The following RASSF6 variants were observed in gnomAD, a reference collection of about 807,000 sequenced individuals.
The protein encoded by RASSF6 is ras association domain-containing protein 6.
In RASSF6, 52 loss-of-function variants were observed where a neutral mutation model predicts 44.0. The observed-to-expected ratio is 1.18, with a 90% CI of 0.95 to 1.49. RASSF6 has a LOEUF of 1.49. Among genes scored for constraint, RASSF6 ranks in the 40% most tolerant of loss-of-function variants. The pLI is 0.00. For missense variants in RASSF6, 464 were observed against 393.3 expected, an observed-to-expected ratio of 1.18 and a Z score of -1.52; for synonymous variants, 162 against 124.6, an observed-to-expected ratio of 1.30 and a Z score of -2.00.
At chr4:73,610,965 T>A (rs1725968151) in intron 2 of RASSF6, among the ~76,000 whole-genome samples, 1 of 152,220 alleles carries the variant, frequency 6.6e-6, no homozygotes, top group Non-Finnish European at 1.5e-5. Flanking sequence ...CCACTGCTTA[T>A]AGTTCATCCT....
chr4:73,614,280 T>C (rs1007648491), intron 1 of RASSF6, among the ~76,000 whole-genome samples: 5 of 152,210 alleles, frequency 3.3e-5, no homozygotes, highest in African/African-American at 4.8e-5. Flanking sequence ...CCTCCCTCTG[T>C]TGTGGTCTGA....
chr4:73,600,933 T>C (rs903408719), intron 2 of RASSF6, among the ~76,000 whole-genome samples: 1 of 152,242 alleles, frequency 6.6e-6, no homozygotes, highest in African/African-American at 2.4e-5. Context: ...CATTGTTTAG[T>C]GCCAGAACAC....
chr4:73,587,286 A>G (rs1307237003), intron 5 of RASSF6, among the ~76,000 whole-genome samples: 1 of 152,112 alleles, frequency 6.6e-6, no homozygotes. Context: ...TGCCAAGTTC[A>G]GTATGGATCC....
At chr4:73,615,206 CAAAT>C (rs1242550488) in intron 1 of RASSF6, among the ~76,000 whole-genome samples, 1 of 114,936 alleles carries the variant, frequency 8.7e-6, no homozygotes, top group African/African-American at 3.2e-5. Flanking sequence ...AAGAGCAAAA[CAAAT>C]AAACAAACAA....
intron 10 of RASSF6, 39 bp from the exon 11 acceptor site, chr4:73,576,349 A>G (rs1446507781): frequency 1.3e-6 from 2 of 1,490,252 alleles, no homozygotes; most frequent in Non-Finnish European, 9.3e-7. Context: ...AAAATTGGAC[A>G]TATTTTGTGC....
chr4:73,612,910 T>A (rs1469944654), intron 1 of RASSF6, among the ~76,000 whole-genome samples: 2 of 152,164 alleles, frequency 1.3e-5, no homozygotes, highest in Non-Finnish European at 2.9e-5. Flanking sequence ...AATTGAAACA[T>A]TTCTTCAACA....
intron 8 of RASSF6, among the ~76,000 whole-genome samples, chr4:73,579,964 T>C (rs891587708): frequency 5.3e-5 from 8 of 151,738 alleles, no homozygotes; most frequent in African/African-American, 1.9e-4. Flanking sequence ...GCTGGTGTGC[T>C]GCACCCACTA....
chr4:73,585,178 AC>A lies in RASSF6; in HGVS notation c.567+1del. 6.3e-7 allele frequency: 1 copy of A among 1,579,494 alleles called. No homozygotes were observed. The highest frequency in any genetic ancestry group is 1.2e-5 in the South Asian group (1 of 84,574). ...ACATTAATGGAATTGTAACTCACTT[AC>A]TTCATGGTTATAGAAGTGTCCATTA... On this transcript the variant is annotated splice_donor_variant, in intron 6 of 10. Transcript: ENST00000307439. LOFTEE classifies it high-confidence loss of function.
At chr4:73,593,384 G>A in intron 4 of RASSF6, 67 bp downstream of exon 4, 8 of 1,416,652 alleles carry the variant, frequency 5.6e-6, no homozygotes, top group African/African-American at 1.4e-5. Flanking sequence ...CTCCTTAAGA[G>A]TGCACGCAAT....
At position 73,593,655 on chromosome 4, in the gene RASSF6, T is replaced by C. The variant is rs1025110997; in HGVS notation, c.145-62A>G. ...TATTATTTATAGACGGTAAATGTTT[T>C]AACGAAGATGTAGAAATTAAGTGCG... is the stretch of plus-strand genomic sequence containing the variant. On this transcript the variant is annotated intron_variant, in intron 3 of 10. Coordinates refer to ENST00000307439, the MANE Select transcript of RASSF6 (RefSeq NM_177532.5). 3 of 1,473,988 alleles carry C rather than the reference T, an allele frequency of 2.0e-6. No individual in the cohort carries two copies. The Admixed American group carries it at 6.0e-5, about 29-fold the overall frequency. The allele number at this position is 1,473,988 out of a possible 1,614,324, so 91.3% of individuals were successfully genotyped here.
chr4:73,589,351 C>G (rs1010970678), intron 4 of RASSF6, among the ~76,000 whole-genome samples: 1 of 152,022 alleles, frequency 6.6e-6, no homozygotes, highest in Non-Finnish European at 1.5e-5. Flanking sequence ...GCTTAATAAT[C>G]AGAAAGTGGC....
Position 73,576,234 on chromosome 4 carries a change from G to T in RASSF6, c.*1C>A. The T allele has an allele frequency of 1.3e-6, 2 of 1,526,726 alleles. No homozygotes were observed. Among genetic ancestry groups the T allele is most frequent in the Non-Finnish European group, 9.0e-7 (1 of 1,108,208 alleles). The allele number at this position is 1,526,726 out of a possible 1,614,324, so 94.6% of individuals were successfully genotyped here. On this transcript the variant is annotated 3_prime_UTR_variant, in exon 11 of 11. Transcript: ENST00000307439. Reference sequence around the variant, plus strand: ...TGTTTTAGCAATAGAAGCTTGTACTGCTAAACTGTTGTCTCTGTTTTTATT... The same window carrying T: ...TGTTTTAGCAATAGAAGCTTGTACTTCTAAACTGTTGTCTCTGTTTTTATT...
chr4:73,612,712 C>T (rs937148612), intron 1 of RASSF6, among the ~76,000 whole-genome samples: 12 of 152,056 alleles, frequency 7.9e-5, no homozygotes, highest in African/African-American at 2.9e-4. Context: ...TCACTAGGTA[C>T]TTTGTTACAG....
intron 1 of RASSF6, chr4:73,616,050 G>A (rs1336354980): frequency 2.2e-6 from 2 of 896,770 alleles, no homozygotes; most frequent in Non-Finnish European, 3.5e-6. Context: ...TCACTCGTTT[G>A]TAAATTCAAC....
chr4:73,572,280 G>GATCCAA lies in RASSF6; in HGVS notation c.*3954_*3955insTTGGAT, dbSNP rs1280051550. The stretch of plus-strand genomic sequence containing the variant: ...GCAGTTGACTTCCCCCAGAGCAAGT[G>GATCCAA]GTCCAAGAGAGAGCAAGGAGGAAGC... On this transcript the variant is annotated 3_prime_UTR_variant, in exon 11 of 11. Coordinates refer to ENST00000307439, the MANE Select transcript of RASSF6 (RefSeq NM_177532.5). The GATCCAA allele has an allele frequency of 1.7e-4, 26 of 152,124 alleles. No individual in the cohort carries two copies. Among genetic ancestry groups the GATCCAA allele is most frequent in the Non-Finnish European group, 3.2e-4 (22 of 68,034 alleles). The allele number at this position is 152,124 out of a possible 1,614,324, so 9.4% of individuals were successfully genotyped here.
At chr4:73,583,759 G>GTTC (rs10677246) in intron 6 of RASSF6, among the ~76,000 whole-genome samples, 42,270 of 151,808 alleles carry the variant, frequency 0.28, 6,089 homozygotes, top group Admixed American at 0.4. Flanking sequence ...TGTAGACCGA[G>GTTC]TTCTTTTGTG....
At chr4:73,614,987 A>T (rs1429158075) in intron 1 of RASSF6, among the ~76,000 whole-genome samples, 1 of 152,146 alleles carries the variant, frequency 6.6e-6, no homozygotes, top group Admixed American at 6.5e-5. Flanking sequence ...TGCTTTGGTA[A>T]AAGTCCCATT....
intron 1 of RASSF6, among the ~76,000 whole-genome samples, chr4:73,614,185 C>A (rs765005525): frequency 6.6e-6 from 1 of 152,196 alleles, no homozygotes; most frequent in Non-Finnish European, 1.5e-5. Context: ...ATTCCAAATT[C>A]GAAAGCTTTG....
rs780883557 is a variant in RASSF6, at chr4:73,576,621, T to C, written c.832A>G (p.Ser278Gly). ...GGTGATGGTATTCATACATCACTGC[T>C]AATTTCTTCTGCATCTTTATCCATG... is the stretch of plus-strand genomic sequence containing the variant. ...FLMDKDAEEI[S>G]SDVAQYINFH... is the part of the protein sequence containing the mutation. The change falls in exon 9 of 11, where the codon AGC becomes GGC. Residue 278 changes from serine (S) to glycine (G), a missense_variant. Coordinates refer to ENST00000307439, the MANE Select transcript of RASSF6 (RefSeq NM_177532.5). 13 of 1,611,246 alleles carry C rather than the reference T, an allele frequency of 8.1e-6. No individual in the cohort carries two copies. The South Asian group carries it at 1.4e-4, about 18-fold the overall frequency.
Sources: allele counts gnomAD v4.1 joint callset (sites outside exome capture counted in the v4.1 genomes callset), GRCh38; gene constraint gnomAD v4.1.1; transcripts MANE v1.5; gene names NCBI Gene and HGNC (gene_info 2026-07-23, HGNC 2026-07-21).